Variants in GATAD2A observed in about 807,000 individuals in gnomAD.
GATAD2A encodes GATA zinc finger domain containing 2A, also known as transcriptional repressor p66-alpha.
A neutral mutation model predicts 68.5 loss-of-function variants in GATAD2A; 12 were observed. The observed-to-expected ratio is 0.18, with a 90% CI of 0.11 to 0.28. GATAD2A has a LOEUF of 0.28. Among genes scored for constraint, GATAD2A ranks in the 10% least tolerant of loss-of-function variants. GATAD2A has a pLI of 1.00. For synonymous variants in GATAD2A, 410 were observed against 375.3 expected, an observed-to-expected ratio of 1.09 and a Z score of -1.07; for missense variants, 755 against 868.5, an observed-to-expected ratio of 0.87 and a Z score of 1.64.
chr19:19,403,101 C>T (rs1003129647), upstream of GATAD2A, among the ~76,000 whole-genome samples: 16 of 151,978 alleles, frequency 1.1e-4, no homozygotes, highest in African/African-American at 3.9e-4. Flanking sequence ...TCTTTGTTTT[C>T]AGATCAGAGA....
intron 1 of GATAD2A, among the ~76,000 whole-genome samples, chr19:19,432,454 A>G (rs2053858629): frequency 6.6e-6 from 1 of 152,250 alleles, no homozygotes. Flanking sequence ...GGCATATGCC[A>G]TCATGCCCGG....
At chr19:19,473,753 T>G (rs1050721764) in intron 2 of GATAD2A, among the ~76,000 whole-genome samples, 62 of 143,482 alleles carry the variant, frequency 4.3e-4, no homozygotes, top group Non-Finnish European at 8.1e-4. Flanking sequence ...CTGGCTAACA[T>G]GGTGAAACCC....
chr19:19,462,506 C>A (rs564381797), intron 1 of GATAD2A, among the ~76,000 whole-genome samples: 3 of 152,366 alleles, frequency 2.0e-5, no homozygotes, highest in African/African-American at 7.2e-5. Context: ...GGCAGGCGGG[C>A]GCTGTGAGGC....
chr19:19,418,823 G>A (rs2051973988), intron 1 of GATAD2A, among the ~76,000 whole-genome samples: 1 of 152,172 alleles, frequency 6.6e-6, no homozygotes, highest in Admixed American at 6.6e-5. Flanking sequence ...GGTTTTGAGA[G>A]TGGGGAGGGG....
rs371295307 is a variant in GATAD2A, at chr19:19,501,222, A to G, written c.1309A>G (p.Ile437Val). 2.5e-6 allele frequency: 4 copies of G among 1,613,366 alleles called. No homozygotes were observed. Among genetic ancestry groups the G allele is most frequent in the Non-Finnish European group, 3.4e-6 (4 of 1,180,012 alleles). The change falls in exon 9 of 12, where the codon ATC becomes GTC. Residue 437 changes from isoleucine to valine, a missense_variant. Transcript: ENST00000683918. Reference sequence around the variant, plus strand: ...CTGGCGGGAGGAGAAGAGCGGCGCCATCATGTGTGAGAACTGCATGACAAC... The same window carrying G: ...CTGGCGGGAGGAGAAGAGCGGCGCCGTCATGTGTGAGAACTGCATGACAAC... ...CRWREEKSGAIMCENCMTTNQ... is the reference protein window; with the variant it reads ...CRWREEKSGAVMCENCMTTNQ...
At chr19:19,473,928 A>G (rs747095791) in intron 2 of GATAD2A, 1 of 453,730 alleles carries the variant, frequency 2.2e-6, no homozygotes, top group Non-Finnish European at 2.9e-6. Flanking sequence ...CCTGGGCGAC[A>G]GAGCGAGACT....
At chr19:19,481,897 TCAAGAC>T (rs1053957901) in intron 2 of GATAD2A, among the ~76,000 whole-genome samples, 3 of 152,030 alleles carry the variant, frequency 2.0e-5, no homozygotes, top group African/African-American at 7.2e-5. Context: ...CCCAAGAAGT[TCAAGAC>T]CAAGCCTGGG....
intron 1 of GATAD2A, among the ~76,000 whole-genome samples, chr19:19,435,695 CA>C (rs2054259367): frequency 2.0e-5 from 3 of 152,072 alleles, no homozygotes. Context: ...ACTAAAAATA[CA>C]AAAATCAGCC....
At chr19:19,426,015 T>C (rs2053047435) in intron 1 of GATAD2A, among the ~76,000 whole-genome samples, 1 of 152,144 alleles carries the variant, frequency 6.6e-6, no homozygotes, top group Non-Finnish European at 1.5e-5. Flanking sequence ...CTCGAACTTG[T>C]AAGCTCACGC....
At chr19:19,450,593 C>T (rs1478768452) in intron 1 of GATAD2A, among the ~76,000 whole-genome samples, 1 of 151,816 alleles carries the variant, frequency 6.6e-6, no homozygotes, top group Non-Finnish European at 1.5e-5. Context: ...AAGGTTTCAG[C>T]CCTCCTCTCA....
intron 1 of GATAD2A, among the ~76,000 whole-genome samples, chr19:19,431,018 T>TGTGTGTGTGTGTG (rs2053682082): frequency 6.8e-6 from 1 of 146,816 alleles, no homozygotes; most frequent in African/African-American, 2.5e-5. Flanking sequence ...TGTGTGTGTG[T>TGTGTGTGTGTGTG]AGTACCCAGG....
In GATAD2A at chr19:19,507,273, G is replaced by A. The variant is rs1486510302; in HGVS notation, c.*1799G>A. 7.0e-6 allele frequency: 1 copy of A among 143,084 alleles called. No individual in the cohort carries two copies. Among genetic ancestry groups the A allele is most frequent in the African/African-American group, 2.6e-5 (1 of 38,358 alleles). 8.9% of individuals were successfully genotyped at this position (143,084 alleles called of 1,614,324 possible). A position where few individuals can be genotyped will look rare whatever the true frequency, so the allele number is the denominator to read the frequency against. On this transcript the variant is annotated 3_prime_UTR_variant, in exon 12 of 12. Transcript: ENST00000683918. ...CACCAAAAAAAAAAAAAAAAATCAA[G>A]AGTATGCAAGCATTTCTATTCCTCG...
intron 2 of GATAD2A, among the ~76,000 whole-genome samples, chr19:19,480,689 T>G (rs2058996576): frequency 1.3e-5 from 2 of 152,046 alleles, no homozygotes; most frequent in African/African-American, 4.8e-5. Flanking sequence ...TTGGCCTCAT[T>G]GAGGTTTGGT....
chr19:19,412,659 A>AT (rs1214201782), intron 1 of GATAD2A, among the ~76,000 whole-genome samples: 2 of 152,020 alleles, frequency 1.3e-5, no homozygotes, highest in Non-Finnish European at 2.9e-5. Context: ...GTCTGATCAG[A>AT]TTATCTGGAA....
chr19:19,457,106 A>G (rs1458363346), intron 1 of GATAD2A: 3 of 985,376 alleles, frequency 3.0e-6, no homozygotes, highest in Non-Finnish European at 3.6e-6. Context: ...TATCTGTGAC[A>G]CCTCTGCCCA....
intron 1 of GATAD2A, among the ~76,000 whole-genome samples, chr19:19,461,864 C>G (rs561671847): frequency 7.2e-5 from 11 of 152,352 alleles, no homozygotes; most frequent in African/African-American, 2.6e-4. Context: ...CAGTGCTCTC[C>G]TCTTTCAAAT....
At chr19:19,390,108 A>G (rs1568687393) in intron 1 of GATAD2A, among the ~76,000 whole-genome samples, 1 of 152,310 alleles carries the variant, frequency 6.6e-6, no homozygotes, top group Admixed American at 6.5e-5. Context: ...TGGGATGTTA[A>G]AAAGGGAATG....
intron 8 of GATAD2A, among the ~76,000 whole-genome samples, chr19:19,499,877 A>C (rs1466896513): frequency 2.6e-5 from 4 of 152,084 alleles, no homozygotes. Flanking sequence ...TGCAGGAGGG[A>C]CCTGGGGGAG....
chr19:19,500,431 A>G (rs1568341417), intron 8 of GATAD2A, among the ~76,000 whole-genome samples: 1 of 152,158 alleles, frequency 6.6e-6, no homozygotes, highest in East Asian at 1.9e-4. Flanking sequence ...ACCAAGAGCA[A>G]TTAAGGCCCC....
Sources: allele counts gnomAD v4.1 joint callset (sites outside exome capture counted in the v4.1 genomes callset), GRCh38; gene constraint gnomAD v4.1.1; transcripts MANE v1.5; gene names NCBI Gene and HGNC (gene_info 2026-07-23, HGNC 2026-07-21).